The following MYCBP2 variants were observed in gnomAD, a reference collection of about 807,000 sequenced individuals.
MYCBP2 encodes MYC binding protein 2, also known as E3 ubiquitin-protein ligase MYCBP2.
A neutral mutation model predicts 525.3 loss-of-function variants in MYCBP2; 120 were observed. The ratio of observed to expected loss-of-function variants is 0.23; its 90% CI spans 0.20 to 0.27. MYCBP2 has a LOEUF of 0.27. Among genes scored for constraint, MYCBP2 ranks in the 10% least tolerant of loss-of-function variants. The pLI, the probability that MYCBP2 is intolerant of heterozygous loss-of-function variation, is 1.00. For synonymous variants in MYCBP2, 1,894 were observed against 1,955.8 expected, an observed-to-expected ratio of 0.97 and a Z score of 0.83; for missense variants, 4,149 against 5,657.1, an observed-to-expected ratio of 0.73 and a Z score of 8.55.
Position 77,098,022 on chromosome 13 carries a change from T to C in MYCBP2, c.9132A>G (p.Ile3044Met). 1.2e-6 allele frequency: 2 copies of C among 1,613,730 alleles called. No homozygotes were observed. Among genetic ancestry groups the C allele is most frequent in the Non-Finnish European group, 1.7e-6 (2 of 1,179,828 alleles). ...VFASFLWHEG[I>M]VHDAMACSSF... ...AAGAACAAGCCATTGCATCATGTAC[T>C]ATGCCTTCATGCCAGAGGAAGGAAG... is the stretch of plus-strand genomic sequence containing the variant. Residue 3044 changes from isoleucine to methionine, a missense_variant, in exon 56 of 83, where the codon ATA becomes ATG. Physicochemically the swap from Ile to Met is conservative, Grantham distance 10. Transcript: ENST00000544440.
At chr13:77,226,232 C>A (rs2066250713) in intron 18 of MYCBP2, among the ~76,000 whole-genome samples, 1 of 152,120 alleles carries the variant, frequency 6.6e-6, no homozygotes. Flanking sequence ...TTCACTCCTT[C>A]TTTCCTCCTC....
In MYCBP2 at chr13:77,326,650, G is replaced by C. The variant is rs1389477778; in HGVS notation, c.126C>G (p.Pro42=). The change falls in exon 1 of 83, where the codon CCC becomes CCG. Residue 42 remains proline (P), a synonymous_variant. Transcript: ENST00000544440. This position sits in a 1 kb window ranked among gnomAD's most constrained non-coding sequence, Gnocchi z 4.2. ...GCCCCGCAGCAGCCACGGAGCCGTC[G>C]GGAACCGGCATGAACAGCGCCCCCG... The part of the protein sequence containing the change: ...PAPGALFMPV[P]DGSVAAAGLG... The C allele has an allele frequency of 6.5e-7, 1 of 1,535,766 alleles. No homozygotes were observed. Among genetic ancestry groups the C allele is most frequent in the Non-Finnish European group, 8.7e-7 (1 of 1,144,804 alleles).
intron 2 of MYCBP2, among the ~76,000 whole-genome samples, chr13:77,295,129 T>G (rs947097780): frequency 2.0e-5 from 3 of 152,064 alleles, no homozygotes; most frequent in African/African-American, 7.2e-5. Context: ...TGGGTTTGAT[T>G]ATTTTTATTT....
intron 21 of MYCBP2, among the ~76,000 whole-genome samples, chr13:77,214,935 A>G (rs1160897766): frequency 6.6e-6 from 1 of 152,206 alleles, no homozygotes; most frequent in Non-Finnish European, 1.5e-5. Context: ...CTGTGTATAC[A>G]CATACATACA....
intron 55 of MYCBP2, chr13:77,099,215 A>G: frequency 2.8e-6 from 2 of 709,082 alleles, no homozygotes; most frequent in Non-Finnish European, 4.4e-6. Flanking sequence ...CATTACCACC[A>G]AAAACTATTT....
chr13:77,150,117 C>A (rs1432607587), intron 47 of MYCBP2, among the ~76,000 whole-genome samples: 1 of 152,026 alleles, frequency 6.6e-6, no homozygotes, highest in Non-Finnish European at 1.5e-5. Context: ...ACTAAAACAT[C>A]CAAAATATAT....
rs533995858 is a variant in MYCBP2, at chr13:77,318,392, C to T, written c.302+8082G>A. 2.0e-5 allele frequency among the ~76,000 whole-genome samples: 3 copies of T among 152,286 alleles called. No homozygotes were observed. In the East Asian group the frequency reaches 5.8e-4, roughly 29 times the overall value. On this transcript the variant is annotated intron_variant, in intron 1 of 82. Transcript: ENST00000544440. ...CAAATAACAAGAATTCATGTCCTAA[C>T]AAATGAGTAGACATTTGAAAAAATA...
intron 3 of MYCBP2, among the ~76,000 whole-genome samples, chr13:77,284,448 G>C (rs1215474903): frequency 6.6e-6 from 1 of 152,144 alleles, no homozygotes; most frequent in East Asian, 1.9e-4. Flanking sequence ...AACCTTAAGA[G>C]ACTAATTTCG....
intron 30 of MYCBP2, among the ~76,000 whole-genome samples, chr13:77,188,444 C>T (rs1256837981): frequency 1.3e-5 from 2 of 152,054 alleles, no homozygotes; most frequent in African/African-American, 2.4e-5. Flanking sequence ...AGATCAAGAC[C>T]TTAATTTATA....
chr13:77,258,884 A>G (rs545254358), intron 13 of MYCBP2, among the ~76,000 whole-genome samples: 5 of 152,202 alleles, frequency 3.3e-5, no homozygotes, highest in African/African-American at 1.2e-4. Flanking sequence ...GTAGAAAAAA[A>G]CAAAAAGAAA....
intron 82 of MYCBP2, among the ~76,000 whole-genome samples, chr13:77,046,319 A>G (rs2035555243): frequency 1.3e-5 from 2 of 152,208 alleles, no homozygotes; most frequent in Admixed American, 1.3e-4. Context: ...TCCCTATTTA[A>G]TAGTAGATGA....
Position 77,205,247 on chromosome 13 carries a change from G to A in MYCBP2, c.3843+9C>T. The A allele has an allele frequency of 1.3e-6, 2 of 1,560,036 alleles. No individual in the cohort carries two copies. The highest frequency in any genetic ancestry group is 1.7e-6 in the Non-Finnish European group (2 of 1,151,002). On this transcript the variant is annotated intron_variant, in intron 26 of 82. Transcript: ENST00000544440. ...AACAAAAAAGGACAACATTGTTGAT[G>A]AACTTTACCTTAATTTTAGCAGTAT...
chr13:77,092,033 G>A (rs1413820496), intron 59 of MYCBP2, among the ~76,000 whole-genome samples: 2 of 149,334 alleles, frequency 1.3e-5, no homozygotes, highest in African/African-American at 2.5e-5. Flanking sequence ...AAATTCTGAC[G>A]AGTAATCCAC....
rs1417635664 is a variant in MYCBP2 at position 77,233,171 on chromosome 13, G to A, written c.2722C>T (p.Arg908Trp). ...RSHPAQLKHK[R>W]DKHKDGSGER... ...GACCAAATACCTTTGTGCTTGTCCC[G>A]TTTATGCTTTAGCTGTGCTGGATGG... The change falls in exon 18 of 83, where the codon CGG (arginine) becomes TGG (tryptophan). Residue 908 changes from arginine (R) to tryptophan (W), a missense_variant. Around this residue, in one of 21 missense-constraint regions of MYCBP2, gnomAD observed 620 missense variants for 795.5 expected, o/e 0.78. Coordinates refer to ENST00000544440, the MANE Select transcript of MYCBP2 (RefSeq NM_015057.5). 8 of 1,613,450 alleles carry A rather than the reference G, an allele frequency of 5.0e-6. No homozygotes were observed. Among genetic ancestry groups the A allele is most frequent in the East Asian group, 2.2e-5 (1 of 44,874 alleles).
chr13:77,178,099 C>A, intron 34 of MYCBP2, 145 bp from the exon 35 acceptor site: 2 of 617,102 alleles, frequency 3.2e-6, no homozygotes, highest in Admixed American at 2.8e-5. Flanking sequence ...GAGAGATTAA[C>A]TCACAATAAA....
At chr13:77,201,962 C>T (rs958631835) in intron 26 of MYCBP2, among the ~76,000 whole-genome samples, 1 of 151,760 alleles carries the variant, frequency 6.6e-6, no homozygotes, top group Non-Finnish European at 1.5e-5. Context: ...AAATTGACAC[C>T]CTAACATCAT....
chr13:77,074,848 T>G (rs1222057511), intron 68 of MYCBP2, among the ~76,000 whole-genome samples: 2 of 152,196 alleles, frequency 1.3e-5, no homozygotes, highest in African/African-American at 4.8e-5. Context: ...TGCTAGGCTC[T>G]AAGTGTGAGG....
chr13:77,096,168 A>T, intron 57 of MYCBP2, 144 bp downstream of exon 57: 2 of 859,904 alleles, frequency 2.3e-6, no homozygotes, highest in Non-Finnish European at 3.4e-6. Context: ...TACAAATATT[A>T]AATTTGTATA....
Position 77,098,652 on chromosome 13 carries a change from T to C in MYCBP2, c.8502A>G (p.Pro2834=), listed in dbSNP as rs373080461. 2.5e-5 allele frequency: 40 copies of C among 1,613,538 alleles called. No homozygotes were observed. The highest frequency in any genetic ancestry group is 2.2e-5 in the East Asian group (1 of 44,868). The part of the protein sequence containing the change: ...PKTLPANRSS[P]SGASSPRSSS... The stretch of plus-strand genomic sequence containing the variant: ...AGGAGCGTGGAGAACTAGCACCCGA[T>C]GGGCTAGACCTATTGGCTGGGAGAG... The change falls in exon 56 of 83, where the codon CCA becomes CCG. Residue 2834 remains proline (P), a synonymous_variant. Transcript: ENST00000544440.
Sources: allele counts gnomAD v4.1 joint callset (sites outside exome capture counted in the v4.1 genomes callset), GRCh38; gene constraint gnomAD v4.1.1; regional missense constraint gnomAD v4.1.1; non-coding constraint Gnocchi (gnomAD v3.1); transcripts MANE v1.5; gene names NCBI Gene and HGNC (gene_info 2026-07-23, HGNC 2026-07-21).